The following ZNF710 variants were observed in gnomAD, a reference collection of about 807,000 sequenced individuals.
ZNF710 encodes the protein zinc finger protein 710.
ZNF710 carries 13 observed loss-of-function variants against 50.6 expected under a neutral mutation model. The observed-to-expected ratio is 0.26, with a 90% CI of 0.17 to 0.41. The LOEUF is 0.41. Ranked by LOEUF, ZNF710 falls within the 10% of genes least tolerant of loss-of-function variation. The pLI is 1.00. For synonymous variants in ZNF710, 383 were observed against 397.0 expected, an observed-to-expected ratio of 0.96 and a Z score of 0.42; for missense variants, 721 against 936.6, an observed-to-expected ratio of 0.77 and a Z score of 3.01.
At chr15:90,045,386 G>C in intron 1 of ZNF710, 1 of 985,398 alleles carries the variant, frequency 1.0e-6, no homozygotes, top group Non-Finnish European at 1.2e-6. Context: ...GACAGTGACG[G>C]CTGACAGGTT....
chr15:90,009,342 C>G (rs1192028427), intron 1 of ZNF710, among the ~76,000 whole-genome samples: 2 of 152,146 alleles, frequency 1.3e-5, no homozygotes, highest in Non-Finnish European at 2.9e-5. Flanking sequence ...TAATCTCACT[C>G]TGTGATGTCC....
At position 90,027,461 on chromosome 15, in the gene ZNF710, C is replaced by T. The variant is rs138926960; in HGVS notation, c.-29+25847C>T. Among the ~76,000 whole-genome samples, 1,409 of 152,222 alleles carry T rather than the reference C, an allele frequency of 9.3e-3. 21 individuals carry two copies. Among genetic ancestry groups the T allele is most frequent in the African/African-American group, 0.032 (1,340 of 41,526 alleles). Reference sequence around the variant, plus strand: ...CTGACCTTAAATGATCCACCTGCCTCGGCCTCCCAAAGTGCTAGGATTATA... The same window carrying T: ...CTGACCTTAAATGATCCACCTGCCTTGGCCTCCCAAAGTGCTAGGATTATA... On this transcript the variant is annotated intron_variant, in intron 1 of 4. Transcript: ENST00000268154.
intron 1 of ZNF710, among the ~76,000 whole-genome samples, chr15:90,026,268 A>AAG (rs1898776164): frequency 7.3e-6 from 1 of 137,676 alleles, no homozygotes; most frequent in Non-Finnish European, 1.6e-5. Flanking sequence ...AACAACAACA[A>AAG]CAAAAAAAAA....
At chr15:90,074,435 T>C (rs1468682948) in intron 4 of ZNF710, 145 bp downstream of exon 4, 1 of 1,540,220 alleles carries the variant, frequency 6.5e-7, no homozygotes, top group East Asian at 2.4e-5. Context: ...GGGGGTACCC[T>C]GGAAGGCCAT....
At chr15:90,079,318 A>G (rs905213460) in intron 4 of ZNF710, among the ~76,000 whole-genome samples, 1 of 152,226 alleles carries the variant, frequency 6.6e-6, no homozygotes, top group Admixed American at 6.5e-5. Flanking sequence ...CCAGAGAAAC[A>G]TTGCAGAGAA....
chr15:90,074,351 C>A (rs757513896), intron 4 of ZNF710, 61 bp downstream of exon 4: 10 of 1,600,006 alleles, frequency 6.2e-6, no homozygotes, highest in Non-Finnish European at 8.5e-6. Context: ...CACTCAGGAG[C>A]CTCCTGCCCA....
At chr15:90,032,753 G>A (rs1471083903) in intron 1 of ZNF710, among the ~76,000 whole-genome samples, 1 of 145,670 alleles carries the variant, frequency 6.9e-6, no homozygotes, top group African/African-American at 2.6e-5. Flanking sequence ...ACTCCAGCCT[G>A]GGCAAGAGTG....
intron 1 of ZNF710, among the ~76,000 whole-genome samples, chr15:90,058,749 A>T (rs1457867784): frequency 1.3e-5 from 2 of 151,622 alleles, no homozygotes; most frequent in Non-Finnish European, 2.9e-5. Flanking sequence ...GTACACAGAG[A>T]GGTCTCTTTT....
At chr15:90,047,694 C>T (rs1245733139) in intron 1 of ZNF710, among the ~76,000 whole-genome samples, 1 of 151,338 alleles carries the variant, frequency 6.6e-6, no homozygotes, top group African/African-American at 2.4e-5. Flanking sequence ...AAATGATTCT[C>T]CTGCCTCAGC....
At chr15:90,017,330 G>A (rs1898482958) in intron 1 of ZNF710, among the ~76,000 whole-genome samples, 1 of 152,136 alleles carries the variant, frequency 6.6e-6, no homozygotes, top group South Asian at 2.1e-4. Flanking sequence ...GATGAGAAAT[G>A]CTGTATGGAG....
intron 1 of ZNF710, among the ~76,000 whole-genome samples, chr15:90,042,490 C>T (rs1017387301): frequency 1.3e-5 from 2 of 152,072 alleles, no homozygotes; most frequent in African/African-American, 2.4e-5. Flanking sequence ...GGTTGAGACT[C>T]GCTCAATCAA....
At chr15:90,057,724 A>AATT (rs1555458530) in intron 1 of ZNF710, among the ~76,000 whole-genome samples, 2 of 148,974 alleles carry the variant, frequency 1.3e-5, no homozygotes, top group African/African-American at 2.5e-5. Flanking sequence ...TAATAATAAT[A>AATT]ATTTGGAGAA....
At chr15:90,057,927 A>G (rs1272864641) in intron 1 of ZNF710, among the ~76,000 whole-genome samples, 10 of 152,174 alleles carry the variant, frequency 6.6e-5, no homozygotes, top group Non-Finnish European at 1.2e-4. Flanking sequence ...AAAATAGTTC[A>G]TGCCTCGACA....
chr15:90,027,213 T>A (rs1204262016), intron 1 of ZNF710, among the ~76,000 whole-genome samples: 1 of 152,054 alleles, frequency 6.6e-6, no homozygotes, highest in Non-Finnish European at 1.5e-5. Flanking sequence ...CTTTTTCTTC[T>A]TCTGTTTTTT....
chr15:90,068,082 G>C lies in ZNF710; in HGVS notation c.945G>C (p.Leu315=). 1 of 1,614,240 alleles carries C rather than the reference G, an allele frequency of 6.2e-7. No homozygotes were observed. The highest frequency in any genetic ancestry group is 8.5e-7 in the Non-Finnish European group (1 of 1,180,040). Residue 315 remains leucine (L), a synonymous_variant, in exon 2 of 5, where the codon CTG becomes CTC. Transcript: ENST00000268154. This position sits in a 1 kb window ranked among gnomAD's most constrained non-coding sequence, Gnocchi z 5.0. Reference sequence around the variant, plus strand: ...AGTACAACCTGGTGACGCACATCCTGGGCCACAACGGCATCAAGCCACACT... The same window carrying C: ...AGTACAACCTGGTGACGCACATCCTCGGCCACAACGGCATCAAGCCACACT... ...TSKYNLVTHI[L]GHNGIKPHSC... is the part of the protein sequence containing the mutation.
chr15:90,070,689 A>G (rs1900349208), intron 2 of ZNF710, among the ~76,000 whole-genome samples: 1 of 151,982 alleles, frequency 6.6e-6, no homozygotes, highest in South Asian at 2.1e-4. Context: ...GCATGGTGGC[A>G]CACACCTGTG....
intron 1 of ZNF710, among the ~76,000 whole-genome samples, chr15:90,055,852 C>T (rs1373414854): frequency 7.2e-5 from 11 of 152,250 alleles, no homozygotes; most frequent in Non-Finnish European, 1.2e-4. Context: ...CGGTGGCCCA[C>T]GCCTGTAATC....
intron 1 of ZNF710, among the ~76,000 whole-genome samples, chr15:90,007,791 A>G (rs1381261859): frequency 6.6e-6 from 1 of 151,670 alleles, no homozygotes; most frequent in African/African-American, 2.4e-5. Flanking sequence ...TTGGTAGCAC[A>G]GATGAAGAGG....
In ZNF710 at chr15:90,080,308, C is replaced by G. The variant is rs2970356; in HGVS notation, c.*479C>G. The G allele has an allele frequency of 0.28, 43,062 of 153,580 alleles. 7,637 individuals carry two copies. Among genetic ancestry groups the G allele is most frequent in the East Asian group, 0.66 (3,406 of 5,172 alleles). 9.5% of individuals were successfully genotyped at this position (153,580 alleles called of 1,614,324 possible). A position where few individuals can be genotyped will look rare whatever the true frequency, so the allele number is the denominator to read the frequency against. On this transcript the variant is annotated 3_prime_UTR_variant, in exon 5 of 5. Transcript: ENST00000268154. ...ACTGCCCACCTCTACCTTGTCCAGGCCCCCTTCCCCGCCCTGTCGACGGAC... is the reference window on the plus strand; with the variant it reads ...ACTGCCCACCTCTACCTTGTCCAGGGCCCCTTCCCCGCCCTGTCGACGGAC...
Sources: gnomAD v4.1 joint callset for allele counts (sites outside exome capture counted in the v4.1 genomes callset) on GRCh38, gnomAD v4.1.1 for gene constraint, Gnocchi (gnomAD v3.1) non-coding constraint, MANE v1.5 for transcripts, NCBI Gene and HGNC (gene_info 2026-07-23, HGNC 2026-07-21) for gene names.